Variants in PREX2 observed in about 807,000 individuals in gnomAD.
PREX2 encodes the protein phosphatidylinositol 3,4,5-trisphosphate-dependent Rac exchanger 2 protein.
A neutral mutation model predicts 203.2 loss-of-function variants in PREX2; 107 were observed. The ratio of observed to expected loss-of-function variants is 0.53; its 90% CI spans 0.45 to 0.62. The LOEUF is 0.62. Ranked by LOEUF, PREX2 falls within the 20% of genes least tolerant of loss-of-function variation. The probability of loss-of-function intolerance (pLI) is 0.00; values close to 1 mark genes in which losing one functional copy is unlikely to be tolerated. For missense variants in PREX2, 1,777 were observed against 1,955.9 expected (o/e 0.91, Z 1.72); for synonymous variants, 672 against 663.6 (o/e 1.01, Z -0.19).
chr8:68,095,946 T>A (rs1810058456), intron 21 of PREX2, among the ~76,000 whole-genome samples: 4 of 152,122 alleles, frequency 2.6e-5, no homozygotes, highest in Admixed American at 2.6e-4. Context: ...CTAGCCTGTA[T>A]TTCTTACTGT....
chr8:67,957,074 T>C (rs1805511278), intron 1 of PREX2, among the ~76,000 whole-genome samples: 1 of 152,212 alleles, frequency 6.6e-6, no homozygotes, highest in Non-Finnish European at 1.5e-5. Context: ...AAGTAGTTAC[T>C]GTTATTTTGC....
intron 35 of PREX2, among the ~76,000 whole-genome samples, chr8:68,182,296 C>T (rs939859436): frequency 2.0e-5 from 3 of 152,020 alleles, no homozygotes; most frequent in Non-Finnish European, 2.9e-5. Context: ...ATAGGTAAAA[C>T]GGTGCTATTG....
At chr8:68,074,400 A>G (rs982989218) in intron 14 of PREX2, among the ~76,000 whole-genome samples, 3 of 152,178 alleles carry the variant, frequency 2.0e-5, no homozygotes, top group Non-Finnish European at 2.9e-5. Context: ...CTAGTTATAT[A>G]AACTTAGACA....
rs199695252 is a variant in PREX2, at chr8:68,068,399, G to GA, written c.1340-626dup. ...AATGAACGGTCTTGTTTTCCAATAAGAAAAAAAATTAACTGACATGTAAAA... is the reference window on the plus strand; with the variant it reads ...AATGAACGGTCTTGTTTTCCAATAAGAAAAAAAAATTAACTGACATGTAAAA... On this transcript the variant is annotated intron_variant, in intron 11 of 39. Transcript: ENST00000288368. Among the ~76,000 whole-genome samples, 348 of 151,648 alleles carry GA rather than the reference G, an allele frequency of 2.3e-3. 3 individuals are homozygous for GA. Among genetic ancestry groups the GA allele is most frequent in the African/African-American group, 7.9e-3 (326 of 41,344 alleles).
chr8:68,154,206 A>C (rs1811496718), intron 34 of PREX2, among the ~76,000 whole-genome samples: 1 of 152,240 alleles, frequency 6.6e-6, no homozygotes, highest in African/African-American at 2.4e-5. Context: ...TGTTTGGCTA[A>C]GCACACTCTG....
chr8:68,030,672 G>T lies in PREX2; in HGVS notation c.705+14G>T, dbSNP rs995571084. 4 of 1,612,842 alleles carry T rather than the reference G, an allele frequency of 2.5e-6. No individual in the cohort carries two copies. The highest frequency in any genetic ancestry group is 3.4e-6 in the Non-Finnish European group (4 of 1,179,076). On this transcript the variant is annotated intron_variant, in intron 6 of 39. Coordinates refer to ENST00000288368, the MANE Select transcript of PREX2 (RefSeq NM_024870.4). ...GAAGGCTGGGAGGTACATTCACTTT[G>T]CTTGACAATCGAGCTTAAGATAGTT...
chr8:67,979,381 C>T (rs1247628538), intron 1 of PREX2, among the ~76,000 whole-genome samples: 2 of 152,062 alleles, frequency 1.3e-5, no homozygotes, highest in Non-Finnish European at 2.9e-5. Context: ...CTTTTTGTTG[C>T]TTTTTTGGTG....
intron 1 of PREX2, among the ~76,000 whole-genome samples, chr8:67,985,197 T>C (rs1042473796): frequency 6.6e-6 from 1 of 152,130 alleles, no homozygotes; most frequent in Non-Finnish European, 1.5e-5. Flanking sequence ...CACAATAGCA[T>C]CGTGAATACT....
Position 68,065,948 on chromosome 8 carries a change from T to A in PREX2, c.1340-3085T>A, listed in dbSNP as rs1044915220. Among the ~76,000 whole-genome samples the A allele has an allele frequency of 3.9e-5, 6 of 152,286 alleles. No homozygotes were observed. In the East Asian group the frequency reaches 5.8e-4, roughly 15 times the overall value. Reference sequence around the variant, plus strand: ...TGACAAATATTTATGGTATACAACATGTTTTGAAATATGTGTAAATTGTGA... The same window carrying A: ...TGACAAATATTTATGGTATACAACAAGTTTTGAAATATGTGTAAATTGTGA... On this transcript the variant is annotated intron_variant, in intron 11 of 39. Coordinates refer to ENST00000288368, the MANE Select transcript of PREX2 (RefSeq NM_024870.4).
chr8:68,038,019 CTA>C, intron 6 of PREX2, 138 bp from the exon 7 acceptor site: 1 of 839,070 alleles, frequency 1.2e-6, no homozygotes. Context: ...CAGTGTATAA[CTA>C]TCTCTACTGC....
chr8:68,087,018 T>G (rs1037017044), intron 18 of PREX2, among the ~76,000 whole-genome samples: 18 of 152,200 alleles, frequency 1.2e-4, no homozygotes, highest in African/African-American at 4.1e-4. Context: ...CATTGTTTTC[T>G]TTGTAACAGT....
rs376879229 is a variant in PREX2, at chr8:68,131,393, GA to G, written c.3767-2662del. Among the ~76,000 whole-genome samples the G allele has an allele frequency of 8.2e-3, 1,242 of 152,304 alleles. 5 individuals carry two copies. The highest frequency in any genetic ancestry group is 0.013 in the Non-Finnish European group (871 of 68,006). ...TGCTGAAAATAGGAAGGTGGCAACA[GA>G]AAATTATCTCATGAAATATGAATTT... is the stretch of plus-strand genomic sequence containing the variant. On this transcript the variant is annotated intron_variant, in intron 31 of 39. Transcript: ENST00000288368.
intron 30 of PREX2, among the ~76,000 whole-genome samples, 164 bp from the exon 31 acceptor site, chr8:68,127,214 G>A (rs976086222): frequency 6.6e-6 from 1 of 152,118 alleles, no homozygotes. Context: ...TGGTGCAAAA[G>A]TAATTGCTGT....
chr8:68,119,975 A>G (rs557593675), intron 28 of PREX2, among the ~76,000 whole-genome samples: 2 of 152,290 alleles, frequency 1.3e-5, no homozygotes, highest in East Asian at 1.9e-4. Flanking sequence ...CAGTAAATTT[A>G]TATTTTGTGT....
At chr8:68,138,751 A>G (rs913157597) in intron 33 of PREX2, among the ~76,000 whole-genome samples, 2 of 152,198 alleles carry the variant, frequency 1.3e-5, no homozygotes, top group Admixed American at 6.5e-5. Flanking sequence ...TCTGCAAGTT[A>G]TCATTATCTA....
intron 35 of PREX2, among the ~76,000 whole-genome samples, chr8:68,160,202 C>G (rs1446645358): frequency 6.6e-6 from 1 of 152,056 alleles, no homozygotes; most frequent in Non-Finnish European, 1.5e-5. Flanking sequence ...AACCTATATT[C>G]ACATCAGTCT....
intron 35 of PREX2, among the ~76,000 whole-genome samples, chr8:68,161,228 G>A (rs1811647451): frequency 6.6e-6 from 1 of 151,896 alleles, no homozygotes. Context: ...CCAAGTAGCT[G>A]GGACTACAGG....
At chr8:68,220,736 C>T (rs1028333779) in intron 38 of PREX2, among the ~76,000 whole-genome samples, 2 of 152,120 alleles carry the variant, frequency 1.3e-5, no homozygotes, top group African/African-American at 4.8e-5. Flanking sequence ...CACAGTTTCC[C>T]AAAATAGTAC....
At chr8:68,001,019 C>A (rs898393263) in intron 1 of PREX2, among the ~76,000 whole-genome samples, 7 of 152,144 alleles carry the variant, frequency 4.6e-5, no homozygotes, top group Admixed American at 2.6e-4. Context: ...CTAGGCAATA[C>A]CATTCTGGAC....
Sources: allele counts gnomAD v4.1 joint callset (sites outside exome capture counted in the v4.1 genomes callset), GRCh38; gene constraint gnomAD v4.1.1; transcripts MANE v1.5; gene names NCBI Gene and HGNC (gene_info 2026-07-23, HGNC 2026-07-21).